The following RBM38 variants were observed in gnomAD, a reference collection of about 807,000 sequenced individuals.
The protein encoded by RBM38 is RNA binding motif protein 38, also known as RNA-binding protein 38.
In RBM38, 11 loss-of-function variants were observed where a neutral mutation model predicts 23.5. That is an observed-to-expected ratio of 0.47 (90% CI 0.29 to 0.77). RBM38 has a LOEUF of 0.77. Ranked by LOEUF, RBM38 falls within the 30% of genes least tolerant of loss-of-function variation. The pLI is 0.08. For missense variants in RBM38, 330 were observed against 351.9 expected, an observed-to-expected ratio of 0.94 and a Z score of 0.50; for synonymous variants, 165 against 166.1, an observed-to-expected ratio of 0.99 and a Z score of 0.05.
rs74586732 is a variant in RBM38, at chr20:57,394,157, A to G, written c.416+824A>G. Among the ~76,000 whole-genome samples, 405 of 152,326 alleles carry G rather than the reference A, an allele frequency of 2.7e-3. 3 individuals are homozygous for G. The highest frequency in any genetic ancestry group is 9.4e-3 in the African/African-American group (389 of 41,572). ...ACCCCTTTCAGGGCATTGGCACTTC[A>G]TGAACTTTCTGAATCCAAATCCCTA... On this transcript the variant is annotated intron_variant, in intron 3 of 3. Coordinates refer to ENST00000356208, the MANE Select transcript of RBM38 (RefSeq NM_017495.6).
chr20:57,404,377 GC>G (rs2067360325), intron 3 of RBM38, among the ~76,000 whole-genome samples: 1 of 152,260 alleles, frequency 6.6e-6, no homozygotes, highest in Admixed American at 6.5e-5. Flanking sequence ...TGAGGCAGGG[GC>G]ATCACTGCCC....
At chr20:57,392,224 C>T (rs1393906081) in intron 1 of RBM38, 10 of 347,306 alleles carry the variant, frequency 2.9e-5, no homozygotes, top group Non-Finnish European at 5.0e-5. Context: ...CTCTCAGCCG[C>T]CCCAAATAAA....
intron 3 of RBM38, among the ~76,000 whole-genome samples, chr20:57,403,887 T>C (rs928505291): frequency 3.9e-5 from 6 of 152,232 alleles, no homozygotes; most frequent in African/African-American, 9.6e-5. Flanking sequence ...TCCAAAGTGC[T>C]GGGATTACAG....
chr20:57,394,341 GGGGCCTGGCTCCCAGGTGAATGGGTCA>G (rs2067252936), intron 3 of RBM38, among the ~76,000 whole-genome samples: 1 of 36,748 alleles, frequency 2.7e-5, no homozygotes, highest in South Asian at 1.1e-3. Flanking sequence ...TGGGTCCCCT[GGGGCCTGGCTCCCAGGTGAATGGGTCA>G]GAGGCCCCAG....
intron 3 of RBM38, among the ~76,000 whole-genome samples, chr20:57,402,149 G>T (rs1212829429): frequency 6.6e-6 from 1 of 152,062 alleles, no homozygotes; most frequent in Non-Finnish European, 1.5e-5. Context: ...GTTTCACCGT[G>T]TTGGCCAGGA....
At chr20:57,402,534 C>T (rs1256012975) in intron 3 of RBM38, among the ~76,000 whole-genome samples, 3 of 152,184 alleles carry the variant, frequency 2.0e-5, no homozygotes, top group Non-Finnish European at 4.4e-5. Context: ...CCCTGGCAGG[C>T]GAGCCTGTGC....
At chr20:57,393,192 G>C in intron 2 of RBM38, 87 bp from the exon 3 acceptor site, 1 of 1,296,248 alleles carries the variant, frequency 7.7e-7, no homozygotes. Flanking sequence ...GAGGTGTGTG[G>C]CTTGTGGGAT....
intron 3 of RBM38, among the ~76,000 whole-genome samples, chr20:57,406,442 C>T (rs1341983166): frequency 1.3e-5 from 2 of 152,216 alleles, no homozygotes. Context: ...ACCTCATCAG[C>T]TGTAGGACCT....
chr20:57,396,178 C>G (rs903151798), intron 3 of RBM38, among the ~76,000 whole-genome samples: 2 of 152,326 alleles, frequency 1.3e-5, no homozygotes, highest in Non-Finnish European at 1.5e-5. Context: ...GCCTCTTTTC[C>G]TTTTTTTAAG....
chr20:57,398,752 C>A (rs1029649521), intron 3 of RBM38, among the ~76,000 whole-genome samples: 1 of 152,246 alleles, frequency 6.6e-6, no homozygotes, highest in Non-Finnish European at 1.5e-5. Context: ...GGAGCCTCTT[C>A]TGGAAGCCTT....
chr20:57,391,527 C>T lies in RBM38; in HGVS notation c.-55C>T, dbSNP rs554855667. On this transcript the variant is annotated 5_prime_UTR_variant, in exon 1 of 4. Transcript: ENST00000356208. Reference sequence around the variant, plus strand: ...CGCTGCCCCGCGCGCTCCCCGCCGCCCCCCATGAGCGCAGCCCCGCGCGGC... The same window carrying T: ...CGCTGCCCCGCGCGCTCCCCGCCGCTCCCCATGAGCGCAGCCCCGCGCGGC... 5.4e-6 allele frequency: 3 copies of T among 551,302 alleles called. No individual in the cohort carries two copies. The highest frequency in any genetic ancestry group is 2.1e-5 in the African/African-American group (1 of 48,052). The allele number at this position is 551,302 out of a possible 1,614,324, so 34.2% of individuals were successfully genotyped here. A position where few individuals can be genotyped will look rare whatever the true frequency, so the allele number is the denominator to read the frequency against.
chr20:57,409,314 T>C lies in RBM38; in HGVS notation c.*1468T>C, dbSNP rs146463947. The stretch of plus-strand genomic sequence containing the variant: ...AATGTTCTGATGATAAAAATAAAAC[T>C]TGTTTTCTTTAAAGAAAAAGTTGAT... On this transcript the variant is annotated 3_prime_UTR_variant, in exon 4 of 4. Coordinates refer to ENST00000356208, the MANE Select transcript of RBM38 (RefSeq NM_017495.6). 2.6e-5 allele frequency: 4 copies of C among 152,506 alleles called. No individual in the cohort carries two copies. In the East Asian group the frequency reaches 7.7e-4, roughly 29 times the overall value. The allele number at this position is 152,506 out of a possible 1,614,324, so 9.4% of individuals were successfully genotyped here. A position where few individuals can be genotyped will look rare whatever the true frequency, so the allele number is the denominator to read the frequency against.
chr20:57,394,639 ATC>A (rs199895749), intron 3 of RBM38, among the ~76,000 whole-genome samples: 97 of 151,980 alleles, frequency 6.4e-4, no homozygotes, highest in African/African-American at 2.3e-3. Context: ...TCGTCCTGGA[ATC>A]TGTTTTGTAG....
At chr20:57,394,929 C>G (rs1467892942) in intron 3 of RBM38, among the ~76,000 whole-genome samples, 1 of 152,214 alleles carries the variant, frequency 6.6e-6, no homozygotes, top group Non-Finnish European at 1.5e-5. Flanking sequence ...CTGATCCACA[C>G]AGCTACCTCT....
intron 3 of RBM38, among the ~76,000 whole-genome samples, chr20:57,403,671 G>C (rs894356671): frequency 5.3e-5 from 8 of 152,116 alleles, no homozygotes; most frequent in African/African-American, 1.7e-4. Context: ...GCCCAGGCTG[G>C]AGTGCAGTGG....
At chr20:57,393,806 G>A (rs1232151192) in intron 3 of RBM38, among the ~76,000 whole-genome samples, 1 of 152,194 alleles carries the variant, frequency 6.6e-6, no homozygotes, top group Non-Finnish European at 1.5e-5. Flanking sequence ...TCTGATGTTT[G>A]TGAACGTTGC....
intron 1 of RBM38, 67 bp downstream of exon 1, chr20:57,391,885 C>T (rs2067219558): frequency 8.5e-7 from 1 of 1,179,506 alleles, no homozygotes; most frequent in Non-Finnish European, 1.1e-6. Flanking sequence ...GCGCCGAGTC[C>T]ACTCCGGGGC....
chr20:57,407,566 C>T lies in RBM38; in HGVS notation c.440C>T (p.Pro147Leu), dbSNP rs2146223205. The change falls in exon 4 of 4, where the codon CCA (proline) becomes CTA (leucine). Residue 147 changes from proline to leucine, a missense_variant. Around this residue, in one of 3 missense-constraint regions of RBM38, gnomAD observed 227 missense variants for 216.4 expected, o/e 1.05. Transcript: ENST00000356208. The surrounding 1 kb of genome is among the most constrained non-coding windows in gnomAD (Gnocchi z 4.0). The part of the protein sequence containing the change: ...TYGLTPHYIY[P>L]PAIVQPSVVI... ...AGGCTGACCCCGCACTACATCTACCCACCAGCCATCGTGCAGCCCAGCGTG... is the reference window on the plus strand; with the variant it reads ...AGGCTGACCCCGCACTACATCTACCTACCAGCCATCGTGCAGCCCAGCGTG... The T allele has an allele frequency of 6.2e-7, 1 of 1,613,784 alleles. No homozygotes were observed. The highest frequency in any genetic ancestry group is 1.1e-5 in the South Asian group (1 of 91,054).
chr20:57,393,257 C>G (rs771146618), intron 2 of RBM38, 22 bp from the exon 3 acceptor site: 1 of 1,612,784 alleles, frequency 6.2e-7, no homozygotes, highest in East Asian at 2.2e-5. Flanking sequence ...AGGCCAAGTC[C>G]CTGATTGTTC....
Sources: allele counts gnomAD v4.1 joint callset (sites outside exome capture counted in the v4.1 genomes callset), GRCh38; gene constraint gnomAD v4.1.1; regional missense constraint gnomAD v4.1.1; non-coding constraint Gnocchi (gnomAD v3.1); transcripts MANE v1.5; gene names NCBI Gene and HGNC (gene_info 2026-07-23, HGNC 2026-07-21).